EPB41: variants seen among roughly 807,000 people sequenced by gnomAD.
EPB41 encodes protein 4.1.
Under a neutral mutation model 108.0 loss-of-function variants are expected in EPB41, and 65 were observed. The ratio of observed to expected loss-of-function variants is 0.60; its 90% CI spans 0.49 to 0.74. The LOEUF is 0.74. EPB41 is among the 30% of genes least tolerant of loss of function. The pLI is 0.00. For synonymous variants in EPB41, 336 were observed against 358.9 expected (o/e 0.94, Z 0.72); for missense variants, 875 against 1,037.0 (o/e 0.84, Z 2.15).
At chr1:28,991,067 G>A (rs772667833) in intron 2 of EPB41, among the ~76,000 whole-genome samples, 1 of 151,768 alleles carries the variant, frequency 6.6e-6, no homozygotes, top group Admixed American at 6.6e-5. Context: ...GATCAGAGTC[G>A]TCTGGATAAA....
intron 16 of EPB41, among the ~76,000 whole-genome samples, chr1:29,080,097 A>AT (rs1655858542): frequency 4.1e-5 from 6 of 145,736 alleles, no homozygotes; most frequent in Admixed American, 1.4e-4. Context: ...ATAAAGCAAC[A>AT]TTATTTATTT....
At position 29,012,437 on chromosome 1, in the gene EPB41, T is replaced by G. The variant is rs571300467; in HGVS notation, c.829+530T>G. Among the ~76,000 whole-genome samples the G allele has an allele frequency of 5.9e-5, 9 of 152,340 alleles. No individual in the cohort carries two copies. The East Asian group carries it at 1.7e-3, about 29-fold the overall frequency. ...AAAAGAATGGAAAGACAAGAATTGCTTGCCACTGACCCTTCTGACATTGTG... is the reference window on the plus strand; with the variant it reads ...AAAAGAATGGAAAGACAAGAATTGCGTGCCACTGACCCTTCTGACATTGTG... On this transcript the variant is annotated intron_variant, in intron 5 of 20. Coordinates refer to ENST00000343067, the MANE Select transcript of EPB41 (RefSeq NM_001376013.1).
chr1:28,920,503 C>G (rs2092994904), intron 1 of EPB41, among the ~76,000 whole-genome samples: 1 of 152,174 alleles, frequency 6.6e-6, no homozygotes, highest in African/African-American at 2.4e-5. Flanking sequence ...AATATTCACT[C>G]AGAAAACTTT....
rs2096601809 is a variant in EPB41 at position 29,018,219 on chromosome 1, T to C, written c.906-5T>C. ...TGACATAACATTTTTCTCTTTTGGC[T>C]GTAGATATTATTTATGTCTTCAGCT... On this transcript the variant is annotated splice_region_variant and splice_polypyrimidine_tract_variant and intron_variant, in intron 6 of 20. Coordinates refer to ENST00000343067, the MANE Select transcript of EPB41 (RefSeq NM_001376013.1). This position sits in a 1 kb window ranked among gnomAD's most constrained non-coding sequence, Gnocchi z 4.4. 6.2e-7 allele frequency: 1 copy of C among 1,613,904 alleles called. No homozygotes were observed. The highest frequency in any genetic ancestry group is 8.5e-7 in the Non-Finnish European group (1 of 1,179,786).
intron 1 of EPB41, among the ~76,000 whole-genome samples, chr1:28,942,784 G>C (rs776692255): frequency 2.6e-5 from 4 of 152,244 alleles, no homozygotes; most frequent in Non-Finnish European, 5.9e-5. Flanking sequence ...CACATGGTTG[G>C]TTCCCCTGGC....
chr1:29,086,360 G>T (rs1037210938), intron 16 of EPB41, among the ~76,000 whole-genome samples: 1 of 147,870 alleles, frequency 6.8e-6, no homozygotes, highest in East Asian at 2.0e-4. Flanking sequence ...TGCAACCTCC[G>T]TCTCCCAGGT....
At chr1:29,104,179 T>C (rs1391416152) in intron 17 of EPB41, among the ~76,000 whole-genome samples, 1 of 152,236 alleles carries the variant, frequency 6.6e-6, no homozygotes, top group Non-Finnish European at 1.5e-5. Flanking sequence ...AATGAATTAA[T>C]GCACATAAAT....
At chr1:28,923,764 A>G (rs2093281280) in intron 1 of EPB41, among the ~76,000 whole-genome samples, 1 of 152,244 alleles carries the variant, frequency 6.6e-6, no homozygotes, top group African/African-American at 2.4e-5. Flanking sequence ...CATAATGATC[A>G]TAGAATCATA....
intron 2 of EPB41, among the ~76,000 whole-genome samples, chr1:28,988,968 A>G (rs2095940792): frequency 6.6e-6 from 1 of 152,232 alleles, no homozygotes; most frequent in Admixed American, 6.5e-5. Flanking sequence ...CTCATGAGAG[A>G]GGAAAAGAAA....
intron 17 of EPB41, among the ~76,000 whole-genome samples, chr1:29,099,192 A>C (rs949677631): frequency 1.3e-5 from 2 of 150,328 alleles, no homozygotes; most frequent in African/African-American, 4.9e-5. Flanking sequence ...CTGTAATCCC[A>C]GCTACTCAGG....
chr1:29,027,110 C>A (rs2096729046), intron 7 of EPB41, among the ~76,000 whole-genome samples: 1 of 150,362 alleles, frequency 6.7e-6, no homozygotes, highest in East Asian at 2.0e-4. Context: ...AAAAAAAATT[C>A]TTAAGTTAGA....
chr1:28,999,013 A>G (rs911296804), intron 4 of EPB41, among the ~76,000 whole-genome samples: 13 of 152,252 alleles, frequency 8.5e-5, no homozygotes, highest in African/African-American at 1.2e-4. Context: ...AAGTTAATTT[A>G]AAAACAAAAC....
intron 1 of EPB41, among the ~76,000 whole-genome samples, chr1:28,958,474 A>G (rs2095052889): frequency 6.6e-6 from 1 of 150,902 alleles, no homozygotes; most frequent in South Asian, 2.1e-4. Flanking sequence ...GTTACCTTTG[A>G]GTCAAACTTG....
chr1:29,102,552 T>G (rs528689197), intron 17 of EPB41, among the ~76,000 whole-genome samples: 1 of 152,262 alleles, frequency 6.6e-6, no homozygotes, highest in South Asian at 2.1e-4. Flanking sequence ...GTATTAAAAT[T>G]TTTATAGCAT....
At chr1:28,968,306 G>A (rs1158104525) in intron 1 of EPB41, among the ~76,000 whole-genome samples, 1 of 151,086 alleles carries the variant, frequency 6.6e-6, no homozygotes, top group African/African-American at 2.4e-5. Flanking sequence ...AGTGAGCCGA[G>A]ATCACACCAC....
chr1:29,014,320 A>AAAAAT (rs1226231906), intron 5 of EPB41, among the ~76,000 whole-genome samples: 1 of 152,176 alleles, frequency 6.6e-6, no homozygotes, highest in Non-Finnish European at 1.5e-5. Flanking sequence ...TTCGTCTGAA[A>AAAAAT]AAAATAAAAT....
rs1459455680 is a variant in EPB41, at chr1:29,000,842, T to A, written c.786+3523T>A. Among the ~76,000 whole-genome samples, 9 of 152,056 alleles carry A rather than the reference T, an allele frequency of 5.9e-5. No homozygotes were observed. The South Asian group carries it at 6.2e-4, about 10-fold the overall frequency. On this transcript the variant is annotated intron_variant, in intron 4 of 20. Coordinates refer to ENST00000343067, the MANE Select transcript of EPB41 (RefSeq NM_001376013.1). ...AAAACAGAGTGTTGTTTTTTTTTTTTAATTTTTATTTTTAATTAAAACGAG... is the reference window on the plus strand; with the variant it reads ...AAAACAGAGTGTTGTTTTTTTTTTTAAATTTTTATTTTTAATTAAAACGAG...
intron 1 of EPB41, among the ~76,000 whole-genome samples, chr1:28,977,123 G>A (rs954276076): frequency 6.6e-5 from 10 of 152,162 alleles, no homozygotes; most frequent in African/African-American, 2.4e-4. Context: ...AAAGTGCTGG[G>A]ATTACAGGTG....
chr1:29,091,401 G>A (rs1661116945), intron 16 of EPB41, among the ~76,000 whole-genome samples: 1 of 152,128 alleles, frequency 6.6e-6, no homozygotes, highest in Admixed American at 6.6e-5. Context: ...AATACCAGCT[G>A]ATCTATTTTT....
Sources: gnomAD v4.1 joint callset for allele counts (sites outside exome capture counted in the v4.1 genomes callset) on GRCh38, gnomAD v4.1.1 for gene constraint, Gnocchi (gnomAD v3.1) non-coding constraint, MANE v1.5 for transcripts, NCBI Gene and HGNC (gene_info 2026-07-23, HGNC 2026-07-21) for gene names.